The following AGK variants were observed in gnomAD, a reference collection of about 807,000 sequenced individuals.
The protein encoded by AGK is acylglycerol kinase, also known as acylglycerol kinase, mitochondrial.
Under a neutral mutation model 66.4 loss-of-function variants are expected in AGK, and 52 were observed. The observed-to-expected ratio is 0.78, with a 90% CI of 0.63 to 0.99. The LOEUF is 0.99. Ranked by LOEUF, AGK falls within the 50% of genes least tolerant of loss-of-function variation. The probability of loss-of-function intolerance (pLI) is 0.00; values close to 1 mark genes in which losing one functional copy is unlikely to be tolerated. For missense variants in AGK, 451 were observed against 506.6 expected, an observed-to-expected ratio of 0.89 and a Z score of 1.05; for synonymous variants, 182 against 181.1, an observed-to-expected ratio of 1.00 and a Z score of -0.04.
chr7:141,579,418 A>C (rs1587084232), intron 2 of AGK, among the ~76,000 whole-genome samples: 1 of 144,824 alleles, frequency 6.9e-6, no homozygotes, highest in East Asian at 2.0e-4. Context: ...GGAAGGCCAA[A>C]CCGAGGAATT....
chr7:141,597,812 G>A (rs1252269456), intron 4 of AGK, among the ~76,000 whole-genome samples: 1 of 142,128 alleles, frequency 7.0e-6, no homozygotes, highest in Non-Finnish European at 1.5e-5. Context: ...GATCACCTAA[G>A]CCCAGGAGGT....
intron 2 of AGK, among the ~76,000 whole-genome samples, chr7:141,574,446 G>A (rs1026904717): frequency 6.6e-6 from 1 of 152,196 alleles, no homozygotes; most frequent in Non-Finnish European, 1.5e-5. Context: ...ATATCTCGCG[G>A]AGACCTGAGG....
chr7:141,614,101 GA>G, intron 6 of AGK, 44 bp from the exon 7 acceptor site: 2 of 1,336,268 alleles, frequency 1.5e-6, no homozygotes, highest in Non-Finnish European at 2.1e-6. Context: ...TATTGTAAAG[GA>G]AATACATATT....
chr7:141,596,807 T>C, intron 4 of AGK, 166 bp downstream of exon 4: 3 of 618,608 alleles, frequency 4.8e-6, no homozygotes, highest in Non-Finnish European at 8.5e-6. Context: ...AAATGAGAAA[T>C]AACTATAAAA....
In AGK at chr7:141,560,284, G is replaced by C. The variant is rs569130584; in HGVS notation, c.101+4717G>C. ...TTGCCCTCCCTCCGTTTTTTTTTTT[G>C]CCTATATATCCCCAACCTTTTCACA... On this transcript the variant is annotated intron_variant, in intron 2 of 15. Transcript: ENST00000649286. Among the ~76,000 whole-genome samples the C allele has an allele frequency of 3.6e-3, 489 of 134,238 alleles. 4 individuals carry two copies. The highest frequency in any genetic ancestry group is 0.013 in the African/African-American group (470 of 36,544). 88.1% of individuals were successfully genotyped at this position (134,238 alleles called of 152,430 possible).
intron 5 of AGK, among the ~76,000 whole-genome samples, chr7:141,608,870 G>A (rs1240346411): frequency 2.6e-5 from 4 of 152,144 alleles, no homozygotes; most frequent in Non-Finnish European, 5.9e-5. Context: ...TAGCTAATCT[G>A]TCAAAGAAGG....
chr7:141,644,872 C>T (rs910753759), intron 13 of AGK, among the ~76,000 whole-genome samples: 3 of 152,074 alleles, frequency 2.0e-5, no homozygotes, highest in Non-Finnish European at 2.9e-5. Flanking sequence ...CTTCAATAAA[C>T]CTCTGCCATA....
At chr7:141,610,518 A>C (rs1464813662) in intron 5 of AGK, among the ~76,000 whole-genome samples, 1 of 152,184 alleles carries the variant, frequency 6.6e-6, no homozygotes, top group Non-Finnish European at 1.5e-5. Context: ...AAAAATGGTA[A>C]GTCTTAGGCA....
chr7:141,622,918 T>TA (rs35209238), intron 9 of AGK, among the ~76,000 whole-genome samples: 7,309 of 143,590 alleles, frequency 0.051, 298 homozygotes, highest in South Asian at 0.15. Context: ...GCTGGGCATT[T>TA]AAAAAAAAAA....
intron 9 of AGK, 73 bp downstream of exon 9, chr7:141,621,874 T>C: frequency 8.6e-7 from 1 of 1,156,666 alleles, no homozygotes; most frequent in African/African-American, 1.5e-5. Flanking sequence ...AAATAAAATG[T>C]AGCAGTTCAA....
chr7:141,582,393 G>T (rs889796711), intron 2 of AGK, among the ~76,000 whole-genome samples: 3 of 152,114 alleles, frequency 2.0e-5, no homozygotes, highest in Admixed American at 2.0e-4. Flanking sequence ...GTTGCTACTT[G>T]CCTGCCTCTA....
intron 8 of AGK, among the ~76,000 whole-genome samples, chr7:141,620,445 C>T (rs1796798688): frequency 1.3e-5 from 2 of 152,122 alleles, no homozygotes; most frequent in African/African-American, 4.8e-5. Flanking sequence ...AGCTGAACAA[C>T]CTGAAAACTC....
intron 8 of AGK, among the ~76,000 whole-genome samples, chr7:141,618,455 G>A (rs545369512): frequency 1.1e-4 from 16 of 152,212 alleles, no homozygotes; most frequent in East Asian, 7.7e-4. Flanking sequence ...GTCTATTTAC[G>A]TAAGTGTAAT....
At chr7:141,652,107 A>G (rs966685075) in intron 15 of AGK, among the ~76,000 whole-genome samples, 7 of 152,192 alleles carry the variant, frequency 4.6e-5, no homozygotes, top group African/African-American at 1.2e-4. Flanking sequence ...TTGGGAGGTT[A>G]TTCAATTGTC....
At chr7:141,569,231 A>G (rs1216388642) in intron 2 of AGK, among the ~76,000 whole-genome samples, 1 of 152,130 alleles carries the variant, frequency 6.6e-6, no homozygotes, top group Non-Finnish European at 1.5e-5. Context: ...TTTACTGAGA[A>G]CGTACTACTA....
At position 141,572,803 on chromosome 7, in the gene AGK, T is replaced by TC. The variant is rs574583901; in HGVS notation, c.101+17236_101+17237insC. ...TTGAGTTTGAAACCCCGACAGGCTA[T>TC]GGGGGGGGGAAATGTGTTGGATGCC... On this transcript the variant is annotated intron_variant, in intron 2 of 15. Coordinates refer to ENST00000649286, the MANE Select transcript of AGK (RefSeq NM_018238.4). Among the ~76,000 whole-genome samples, 20 of 151,200 alleles carry TC rather than the reference T, an allele frequency of 1.3e-4. No homozygotes were observed. The East Asian group carries it at 2.9e-3, about 22-fold the overall frequency.
chr7:141,587,665 G>C (rs1344975725), intron 2 of AGK, among the ~76,000 whole-genome samples: 1 of 152,104 alleles, frequency 6.6e-6, no homozygotes, highest in Non-Finnish European at 1.5e-5. Context: ...CTAGATCTCA[G>C]CTTCAATGTC....
intron 2 of AGK, among the ~76,000 whole-genome samples, chr7:141,578,146 G>C (rs1308898422): frequency 6.6e-6 from 1 of 152,114 alleles, no homozygotes; most frequent in African/African-American, 2.4e-5. Flanking sequence ...TTAATCACCT[G>C]GGTGCAGGCG....
chr7:141,633,121 T>C (rs1235008487), intron 9 of AGK, among the ~76,000 whole-genome samples: 3 of 152,196 alleles, frequency 2.0e-5, no homozygotes, highest in Admixed American at 6.5e-5. Context: ...TGGAGTCTTA[T>C]GTAGCATTCG....
Sources: allele counts gnomAD v4.1 joint callset (sites outside exome capture counted in the v4.1 genomes callset), GRCh38; gene constraint gnomAD v4.1.1; transcripts MANE v1.5; gene names NCBI Gene and HGNC (gene_info 2026-07-23, HGNC 2026-07-21).